DNAJC15: variants seen among roughly 807,000 people sequenced by gnomAD.
DNAJC15 encodes the protein dnaJ homolog subfamily C member 15.
A neutral mutation model predicts 22.4 loss-of-function variants in DNAJC15; 27 were observed. The ratio of observed to expected loss-of-function variants is 1.20; its 90% CI spans 0.89 to 1.66. The LOEUF is 1.66. DNAJC15 is among the 40% of genes most tolerant of loss of function. The probability of loss-of-function intolerance (pLI) is 0.00; values close to 1 mark genes in which losing one functional copy is unlikely to be tolerated. For synonymous variants in DNAJC15, 79 were observed against 63.2 expected, an observed-to-expected ratio of 1.25 and a Z score of -1.19; for missense variants, 208 against 187.1, an observed-to-expected ratio of 1.11 and a Z score of -0.65.
intron 3 of DNAJC15, among the ~76,000 whole-genome samples, chr13:43,075,157 G>T (rs1251683970): frequency 2.0e-5 from 3 of 152,102 alleles, no homozygotes; most frequent in African/African-American, 7.2e-5. Context: ...TCTCAAAATG[G>T]TCTAGATCTT....
intron 1 of DNAJC15, among the ~76,000 whole-genome samples, chr13:43,035,135 C>G (rs970048806): frequency 2.0e-5 from 3 of 152,178 alleles, no homozygotes; most frequent in African/African-American, 7.2e-5. Context: ...GAATTTTTCC[C>G]TGAAGCTTCA....
At chr13:43,056,949 TG>T (rs1371453744) in intron 1 of DNAJC15, among the ~76,000 whole-genome samples, 1 of 152,220 alleles carries the variant, frequency 6.6e-6, no homozygotes, top group Non-Finnish European at 1.5e-5. Flanking sequence ...GATTCCTTCT[TG>T]ATCGTAGGGT....
At chr13:43,078,489 C>G (rs1204090391) in intron 3 of DNAJC15, 123 bp from the exon 4 acceptor site, 3 of 621,166 alleles carry the variant, frequency 4.8e-6, no homozygotes, top group Non-Finnish European at 8.1e-6. Flanking sequence ...TTCCCCCCGC[C>G]CCATAATTTT....
intron 2 of DNAJC15, among the ~76,000 whole-genome samples, chr13:43,066,396 T>G (rs1044672609): frequency 6.6e-6 from 1 of 152,152 alleles, no homozygotes; most frequent in Non-Finnish European, 1.5e-5. Flanking sequence ...AGCCAACAGC[T>G]TAGCATCTTC....
At chr13:43,056,839 C>T (rs192853071) in intron 1 of DNAJC15, among the ~76,000 whole-genome samples, 2 of 152,280 alleles carry the variant, frequency 1.3e-5, no homozygotes, top group South Asian at 2.1e-4. Context: ...CTCCTGCTGG[C>T]TTTTGGTGTC....
intron 5 of DNAJC15, among the ~76,000 whole-genome samples, chr13:43,090,496 TA>T (rs142749968): frequency 1.4e-4 from 21 of 151,976 alleles, no homozygotes; most frequent in South Asian, 4.2e-4. Context: ...ACTTCCATAT[TA>T]AAAAAAACAT....
chr13:43,074,453 A>G (rs2040623288), intron 3 of DNAJC15, among the ~76,000 whole-genome samples: 1 of 152,178 alleles, frequency 6.6e-6, no homozygotes, highest in Admixed American at 6.5e-5. Context: ...TACTCCATCT[A>G]TTTGATGGTA....
intron 5 of DNAJC15, among the ~76,000 whole-genome samples, chr13:43,088,999 C>G (rs2040702099): frequency 6.6e-6 from 1 of 152,030 alleles, no homozygotes. Context: ...TTGATAAATG[C>G]TGAGATCCTT....
chr13:43,078,878 C>A, intron 4 of DNAJC15, 190 bp downstream of exon 4: 4 of 409,170 alleles, frequency 9.8e-6, no homozygotes, highest in Middle Eastern at 6.9e-4. Flanking sequence ...CAAAACAAAA[C>A]AAAACAAAAA....
intron 5 of DNAJC15, 138 bp downstream of exon 5, chr13:43,085,976 A>C: frequency 1.4e-6 from 1 of 706,882 alleles, no homozygotes; most frequent in Non-Finnish European, 2.3e-6. Flanking sequence ...CTCATAAATG[A>C]GCATTTAGGT....
chr13:43,052,440 A>G (rs995486020), intron 1 of DNAJC15, among the ~76,000 whole-genome samples: 4 of 149,998 alleles, frequency 2.7e-5, no homozygotes, highest in African/African-American at 9.8e-5. Flanking sequence ...TTTTTGAGAC[A>G]GAGTCTCACT....
rs542579552 is a variant in DNAJC15, at chr13:43,110,906, T to G, written c.*3658T>G. 6.6e-6 allele frequency: 1 copy of G among 152,378 alleles called. No homozygotes were observed. The highest frequency in any genetic ancestry group is 2.1e-4 in the South Asian group (1 of 4,828). The allele number at this position is 152,378 out of a possible 1,614,324, so 9.4% of individuals were successfully genotyped here. A position where few individuals can be genotyped will look rare whatever the true frequency, so the allele number is the denominator to read the frequency against. On this transcript the variant is annotated 3_prime_UTR_variant, in exon 6 of 6. Coordinates refer to ENST00000379221, the MANE Select transcript of DNAJC15 (RefSeq NM_013238.3). ...GTGGTTACCTGTCTTCAGTAAAGATTGCGCTTGCATATTTGCTGTCATTGC... is the reference window on the plus strand; with the variant it reads ...GTGGTTACCTGTCTTCAGTAAAGATGGCGCTTGCATATTTGCTGTCATTGC...
intron 5 of DNAJC15, 128 bp from the exon 6 acceptor site, chr13:43,107,050 T>G (rs1396858404): frequency 5.7e-6 from 4 of 696,674 alleles, no homozygotes; most frequent in Non-Finnish European, 4.2e-6. Flanking sequence ...CTAGTTAGCT[T>G]ATAAAATAAT....
intron 1 of DNAJC15, 136 bp downstream of exon 1, chr13:43,023,870 C>A (rs183549824): frequency 4.9e-6 from 4 of 820,420 alleles, no homozygotes; most frequent in Non-Finnish European, 7.5e-6. Context: ...CTCACTTGTT[C>A]AGTGGAGAGA....
intron 5 of DNAJC15, among the ~76,000 whole-genome samples, chr13:43,087,024 A>G (rs1237114604): frequency 6.6e-6 from 1 of 152,150 alleles, no homozygotes; most frequent in Non-Finnish European, 1.5e-5. Context: ...AACTCCAAAT[A>G]TGAGTTTTAT....
intron 5 of DNAJC15, among the ~76,000 whole-genome samples, chr13:43,094,074 A>G (rs1470444068): frequency 1.3e-5 from 2 of 152,264 alleles, no homozygotes; most frequent in African/African-American, 4.8e-5. Context: ...CTATTAAACC[A>G]GAACTCAACA....
At chr13:43,046,596 C>G (rs912785392) in intron 1 of DNAJC15, among the ~76,000 whole-genome samples, 2 of 152,138 alleles carry the variant, frequency 1.3e-5, no homozygotes, top group Non-Finnish European at 2.9e-5. Context: ...CATATATCGC[C>G]TGAGAGCACA....
rs34398144 is a variant in DNAJC15 at position 43,024,893 on chromosome 13, T to TAAAAAAAAAAA, written c.108+1167_108+1177dup. Among the ~76,000 whole-genome samples the TAAAAAAAAAAA allele has an allele frequency of 2.2e-4, 19 of 85,950 alleles. 2 individuals carry two copies. The highest frequency in any genetic ancestry group is 6.0e-4 in the African/African-American group (13 of 21,708). The allele number at this position is 85,950 out of a possible 152,430, so 56.4% of individuals were successfully genotyped here. On this transcript the variant is annotated intron_variant, in intron 1 of 5. Coordinates refer to ENST00000379221, the MANE Select transcript of DNAJC15 (RefSeq NM_013238.3). ...GCAACACAGGAGACCCCATCTCTGC[T>TAAAAAAAAAAA]AAAAAAAAAAAAAAAAAATTAGCTG...
intron 1 of DNAJC15, among the ~76,000 whole-genome samples, chr13:43,050,714 CA>C (rs1042553071): frequency 1.3e-5 from 2 of 151,998 alleles, no homozygotes; most frequent in Non-Finnish European, 2.9e-5. Flanking sequence ...AATTAAAATA[CA>C]AAGAGAGGTA....
Sources: gnomAD v4.1 joint callset for allele counts (sites outside exome capture counted in the v4.1 genomes callset) on GRCh38, gnomAD v4.1.1 for gene constraint, MANE v1.5 for transcripts, NCBI Gene and HGNC (gene_info 2026-07-23, HGNC 2026-07-21) for gene names.